Variants in RAB11FIP2 observed in about 807,000 individuals in gnomAD.
The protein encoded by RAB11FIP2 is rab11 family-interacting protein 2.
In RAB11FIP2, 16 loss-of-function variants were observed where a neutral mutation model predicts 40.9. The observed-to-expected ratio is 0.39, with a 90% CI of 0.26 to 0.59. The LOEUF is 0.59. Ranked by LOEUF, RAB11FIP2 falls within the 20% of genes least tolerant of loss-of-function variation. The probability of loss-of-function intolerance (pLI) is 0.53; values close to 1 mark genes in which losing one functional copy is unlikely to be tolerated. For missense variants in RAB11FIP2, 532 were observed against 606.2 expected (o/e 0.88, Z 1.28); for synonymous variants, 228 against 213.7 (o/e 1.07, Z -0.58).
chr10:118,019,553 G>A (rs1846258930), intron 3 of RAB11FIP2, among the ~76,000 whole-genome samples: 1 of 152,000 alleles, frequency 6.6e-6, no homozygotes, highest in African/African-American at 2.4e-5. Flanking sequence ...GCTGGGCATG[G>A]TGGCTCATGC....
At chr10:118,011,035 G>C (rs547205310) in intron 4 of RAB11FIP2, among the ~76,000 whole-genome samples, 1 of 151,934 alleles carries the variant, frequency 6.6e-6, no homozygotes. Context: ...ACAGAGAAAG[G>C]ATATGATTAA....
At chr10:118,030,240 T>C (rs1166358631) in intron 3 of RAB11FIP2, among the ~76,000 whole-genome samples, 2 of 152,148 alleles carry the variant, frequency 1.3e-5, no homozygotes, top group African/African-American at 4.8e-5. Context: ...CCTTAAAAGT[T>C]AAACCAAAAA....
chr10:118,025,542 T>C (rs1253253482), intron 3 of RAB11FIP2, among the ~76,000 whole-genome samples: 1 of 152,268 alleles, frequency 6.6e-6, no homozygotes, highest in Non-Finnish European at 1.5e-5. Flanking sequence ...TTATTACGTA[T>C]ATAACAGCAA....
In RAB11FIP2 at chr10:118,039,328, T is replaced by G; in HGVS notation, c.909A>C (p.Pro303=). 3 of 1,613,726 alleles carry G rather than the reference T, an allele frequency of 1.9e-6. No homozygotes were observed. Among genetic ancestry groups the G allele is most frequent in the Non-Finnish European group, 2.5e-6 (3 of 1,179,712 alleles). ...GTAATGAAGCAGTCACATTTGTAAA[T>G]GGGTCATTTTGTCTTCCGAAACACA... ...GELCFGRQND[P]FTNVTASLPQ... The change falls in exon 3 of 5, where the codon CCA becomes CCC. Residue 303 remains proline (P), a synonymous_variant. Transcript: ENST00000355624.
chr10:118,024,508 T>TGA (rs1370049014), intron 3 of RAB11FIP2, among the ~76,000 whole-genome samples: 1 of 149,248 alleles, frequency 6.7e-6, no homozygotes, highest in Non-Finnish European at 1.5e-5. Context: ...TGTGTGTGTG[T>TGA]GTGTAAACAA....
intron 1 of RAB11FIP2, among the ~76,000 whole-genome samples, chr10:118,044,930 T>C (rs1846607247): frequency 6.6e-6 from 1 of 152,168 alleles, no homozygotes; most frequent in African/African-American, 2.4e-5. Context: ...TTTAAGTTTA[T>C]GGAAGGGGTG....
intron 3 of RAB11FIP2, among the ~76,000 whole-genome samples, chr10:118,024,501 G>GTGTGTGTGTC (rs1302246526): frequency 6.7e-6 from 1 of 148,630 alleles, no homozygotes; most frequent in African/African-American, 2.6e-5. Flanking sequence ...GTGTGTGTGT[G>GTGTGTGTGTC]TGTGTGTGTG....
chr10:118,014,057 G>C (rs181968727), intron 4 of RAB11FIP2, among the ~76,000 whole-genome samples: 1 of 151,942 alleles, frequency 6.6e-6, no homozygotes, highest in Admixed American at 6.6e-5. Flanking sequence ...CTTACGAATC[G>C]TTTAAATAAA....
At chr10:118,022,156 T>C (rs1283202294) in intron 3 of RAB11FIP2, among the ~76,000 whole-genome samples, 1 of 152,196 alleles carries the variant, frequency 6.6e-6, no homozygotes, top group African/African-American at 2.4e-5. Context: ...AGTCTTCAGC[T>C]TACATGCCTC....
chr10:118,026,229 A>T (rs1564832987), intron 3 of RAB11FIP2, among the ~76,000 whole-genome samples: 1 of 152,254 alleles, frequency 6.6e-6, no homozygotes, highest in Admixed American at 6.5e-5. Flanking sequence ...AGTACAAGAG[A>T]TACTATTCCA....
Position 118,005,974 on chromosome 10 carries a change from A to C in RAB11FIP2, c.*3024T>G, listed in dbSNP as rs974861159. ...AATTACAACTAAATCTTGATTTACC[A>C]CCAAAAGCAATAGATGTAGTTATGT... is the stretch of plus-strand genomic sequence containing the variant. On this transcript the variant is annotated 3_prime_UTR_variant, in exon 5 of 5. Coordinates refer to ENST00000355624, the MANE Select transcript of RAB11FIP2 (RefSeq NM_014904.3). 12 of 152,720 alleles carry C rather than the reference A, an allele frequency of 7.9e-5. No individual in the cohort carries two copies. Among genetic ancestry groups the C allele is most frequent in the Admixed American group, 7.2e-4 (11 of 15,284 alleles). 9.5% of individuals were successfully genotyped at this position (152,720 alleles called of 1,614,324 possible). A position where few individuals can be genotyped will look rare whatever the true frequency, so the allele number is the denominator to read the frequency against.
intron 3 of RAB11FIP2, among the ~76,000 whole-genome samples, chr10:118,030,751 T>C (rs995264751): frequency 4.6e-5 from 7 of 152,018 alleles, no homozygotes; most frequent in African/African-American, 1.7e-4. Context: ...TTTTTTGTTT[T>C]CAATTTTGAA....
intron 3 of RAB11FIP2, among the ~76,000 whole-genome samples, chr10:118,032,191 A>G (rs1048060613): frequency 1.3e-5 from 2 of 152,080 alleles, no homozygotes; most frequent in African/African-American, 4.8e-5. Context: ...ACCTCCTTCA[A>G]AGAATACACA....
chr10:118,036,761 AT>A (rs896921239), intron 3 of RAB11FIP2, among the ~76,000 whole-genome samples: 357 of 151,318 alleles, frequency 2.4e-3, no homozygotes, highest in African/African-American at 7.0e-3. Context: ...AAAAACAACT[AT>A]TTTTTTTTAC....
chr10:118,046,265 G>A lies in RAB11FIP2; in HGVS notation c.-102C>T. 2 of 1,039,360 alleles carry A rather than the reference G, an allele frequency of 1.9e-6. No individual in the cohort carries two copies. Among genetic ancestry groups the A allele is most frequent in the Middle Eastern group, 3.2e-4 (1 of 3,136 alleles). 64.4% of individuals were successfully genotyped at this position (1,039,360 alleles called of 1,614,324 possible). A position where few individuals can be genotyped will look rare whatever the true frequency, so the allele number is the denominator to read the frequency against. ...CACTGCATCCTAAGGACACTTAACG[G>A]AAACAGGCAGGCTCAGGGCTCCCCG... On this transcript the variant is annotated 5_prime_UTR_variant, in exon 1 of 5. Transcript: ENST00000355624.
intron 3 of RAB11FIP2, among the ~76,000 whole-genome samples, chr10:118,029,366 T>A (rs190133945): frequency 8.0e-4 from 122 of 152,234 alleles, no homozygotes; most frequent in African/African-American, 2.8e-3. Flanking sequence ...CCTAACTAGT[T>A]TCCCTGTCTC....
chr10:118,042,255 G>T (rs1227432154), intron 1 of RAB11FIP2, among the ~76,000 whole-genome samples: 1 of 151,924 alleles, frequency 6.6e-6, no homozygotes, highest in Admixed American at 6.6e-5. Flanking sequence ...AAGCAAATAT[G>T]AGTAAAAAAA....
intron 3 of RAB11FIP2, among the ~76,000 whole-genome samples, chr10:118,033,455 C>T (rs2133177528): frequency 6.6e-6 from 1 of 152,134 alleles, no homozygotes; most frequent in East Asian, 1.9e-4. Context: ...GTACAATAAA[C>T]ATTGTATAGT....
rs372649768 is a variant in RAB11FIP2 at position 118,011,118 on chromosome 10, T to C, written c.1312-1893A>G. Among the ~76,000 whole-genome samples, 28 of 152,190 alleles carry C rather than the reference T, an allele frequency of 1.8e-4. 2 individuals are homozygous for C. In the South Asian group the frequency reaches 5.4e-3, roughly 29 times the overall value. On this transcript the variant is annotated intron_variant, in intron 4 of 4. Coordinates refer to ENST00000355624, the MANE Select transcript of RAB11FIP2 (RefSeq NM_014904.3). ...GGGGCTAAGATTAGGTATAGGGCTATTGAAATATGAAAGACCAGAGTTAGC... is the reference window on the plus strand; with the variant it reads ...GGGGCTAAGATTAGGTATAGGGCTACTGAAATATGAAAGACCAGAGTTAGC...
Sources: gnomAD v4.1 joint callset for allele counts (sites outside exome capture counted in the v4.1 genomes callset) on GRCh38, gnomAD v4.1.1 for gene constraint, MANE v1.5 for transcripts, NCBI Gene and HGNC (gene_info 2026-07-23, HGNC 2026-07-21) for gene names.